SHISA9: variants seen among roughly 807,000 people sequenced by gnomAD.
SHISA9 encodes shisa family member 9.
Under a neutral mutation model 38.0 loss-of-function variants are expected in SHISA9, and 13 were observed. The ratio of observed to expected loss-of-function variants is 0.34; its 90% CI spans 0.22 to 0.54. The LOEUF (loss-of-function observed/expected upper bound fraction) is 0.54, where lower values mean the gene tolerates loss of function less well. Among genes scored for constraint, SHISA9 ranks in the 20% least tolerant of loss-of-function variants. The pLI, the probability that SHISA9 is intolerant of heterozygous loss-of-function variation, is 0.91. For synonymous variants in SHISA9, 275 were observed against 242.0 expected (o/e 1.14, Z -1.27); for missense variants, 538 against 575.8 (o/e 0.93, Z 0.67).
At chr16:13,489,543 C>T in the SHISA9 span, among the ~76,000 whole-genome samples, 1 of 152,088 alleles carries the variant, frequency 6.6e-6, no homozygotes, top group Non-Finnish European at 1.5e-5. Flanking sequence ...ATCATGGGTG[C>T]AGTTCCCCCA....
At chr16:13,518,172 C>G in the SHISA9 span, among the ~76,000 whole-genome samples, 1 of 152,144 alleles carries the variant, frequency 6.6e-6, no homozygotes, top group African/African-American at 2.4e-5. Flanking sequence ...TGCCCTGCAA[C>G]ACACTACCAT....
chr16:13,531,421 C>A, the SHISA9 span, among the ~76,000 whole-genome samples: 1 of 152,112 alleles, frequency 6.6e-6, no homozygotes, highest in Non-Finnish European at 1.5e-5. Context: ...TTAATTTTCA[C>A]AATAACTCCC....
chr16:13,075,738 A>G (rs1291883089), intron 2 of SHISA9, among the ~76,000 whole-genome samples: 1 of 152,242 alleles, frequency 6.6e-6, no homozygotes, highest in African/African-American at 2.4e-5. Flanking sequence ...ATTTTAGAGA[A>G]GATGAAGTAG....
chr16:13,269,383 C>T, the SHISA9 span, among the ~76,000 whole-genome samples: 5 of 152,212 alleles, frequency 3.3e-5, no homozygotes, highest in African/African-American at 1.2e-4. Flanking sequence ...GGGGGACATA[C>T]AGGAATAAAT....
chr16:12,986,771 G>C (rs760528938), intron 2 of SHISA9, among the ~76,000 whole-genome samples: 2 of 152,188 alleles, frequency 1.3e-5, no homozygotes, highest in Non-Finnish European at 2.9e-5. Flanking sequence ...ACAATTCTAC[G>C]AAGGAGAAGA....
At chr16:13,429,510 G>T in the SHISA9 span, among the ~76,000 whole-genome samples, 1 of 152,018 alleles carries the variant, frequency 6.6e-6, no homozygotes, top group Non-Finnish European at 1.5e-5. Flanking sequence ...CTGTCCCTAT[G>T]TCCAAATTTC....
At chr16:13,498,764 GAAAAT>G in the SHISA9 span, among the ~76,000 whole-genome samples, 4 of 151,978 alleles carry the variant, frequency 2.6e-5, no homozygotes, top group African/African-American at 9.7e-5. Flanking sequence ...CTCAAAAAAA[GAAAAT>G]AAAAGAAAAG....
intron 2 of SHISA9, among the ~76,000 whole-genome samples, chr16:13,042,631 T>C (rs930925559): frequency 6.6e-6 from 1 of 152,202 alleles, no homozygotes. Context: ...GTGTCTAGAA[T>C]GTTTGTGGGT....
At chr16:13,103,001 G>A (rs2073894006) in intron 2 of SHISA9, among the ~76,000 whole-genome samples, 4 of 152,114 alleles carry the variant, frequency 2.6e-5, no homozygotes, top group African/African-American at 9.7e-5. Flanking sequence ...AAAAACTTTT[G>A]TTTATATTTT....
At chr16:13,508,578 G>T in the SHISA9 span, among the ~76,000 whole-genome samples, 2 of 152,110 alleles carry the variant, frequency 1.3e-5, no homozygotes, top group Non-Finnish European at 2.9e-5. Flanking sequence ...AGCATTAAAA[G>T]TTACTTAAAC....
the SHISA9 span, among the ~76,000 whole-genome samples, chr16:13,283,801 A>G: frequency 6.6e-6 from 1 of 152,030 alleles, no homozygotes. Flanking sequence ...ATGATGTGTT[A>G]ACAAGATCTC....
At chr16:13,469,429 A>AAGAAAGAGAAAGAAAG in the SHISA9 span, among the ~76,000 whole-genome samples, 2 of 130,870 alleles carry the variant, frequency 1.5e-5, no homozygotes, top group African/African-American at 5.8e-5. Flanking sequence ...AAGAAAAAGA[A>AAGAAAGAGAAAGAAAG]AGAAAGAGAA....
intron 2 of SHISA9, among the ~76,000 whole-genome samples, chr16:13,139,748 T>G (rs2050383105): frequency 6.6e-6 from 1 of 152,148 alleles, no homozygotes; most frequent in African/African-American, 2.4e-5. Flanking sequence ...TTCCTAACAA[T>G]TTAAGGTTCA....
At chr16:13,357,194 G>T in the SHISA9 span, among the ~76,000 whole-genome samples, 2 of 152,270 alleles carry the variant, frequency 1.3e-5, no homozygotes, top group South Asian at 4.1e-4. Context: ...ATAAGCGACT[G>T]GGGGGTTCTT....
At chr16:13,217,153 C>A (rs1149413) in intron 4 of SHISA9, among the ~76,000 whole-genome samples, 42 of 151,322 alleles carry the variant, frequency 2.8e-4, no homozygotes, top group Admixed American at 2.7e-3. Flanking sequence ...TGGCGGGCAC[C>A]TGTAGTCCCA....
intron 2 of SHISA9, among the ~76,000 whole-genome samples, chr16:13,111,423 G>A (rs1385915099): frequency 6.6e-6 from 1 of 151,624 alleles, no homozygotes; most frequent in East Asian, 1.9e-4. Context: ...GACTCCCTGA[G>A]TTCAAATCCT....
intron 2 of SHISA9, among the ~76,000 whole-genome samples, chr16:13,115,538 C>G (rs1400985518): frequency 6.6e-6 from 1 of 152,212 alleles, no homozygotes; most frequent in African/African-American, 2.4e-5. Flanking sequence ...GCCAGGTGTT[C>G]CTTGCCCTCA....
At chr16:13,341,836 A>G in the SHISA9 span, among the ~76,000 whole-genome samples, 1 of 152,166 alleles carries the variant, frequency 6.6e-6, no homozygotes, top group Non-Finnish European at 1.5e-5. Context: ...TTCATTTGAA[A>G]CCTTTAAAAG....
chr16:13,208,443 C>CT (rs71395107), intron 3 of SHISA9, among the ~76,000 whole-genome samples: 77,387 of 125,028 alleles, frequency 0.62, 25,139 homozygotes, highest in African/African-American at 0.85. Flanking sequence ...CTTTTTTTTT[C>CT]TTTTTTTTTT....
Sources: gnomAD v4.1 joint callset for allele counts (sites outside exome capture counted in the v4.1 genomes callset) on GRCh38, gnomAD v4.1.1 for gene constraint, MANE v1.5 for transcripts, NCBI Gene and HGNC (gene_info 2026-07-23, HGNC 2026-07-21) for gene names.